Variants in DFFB observed in about 807,000 individuals in gnomAD.
The protein encoded by DFFB is DNA fragmentation factor subunit beta, also known as DNA fragmentation factor 40 kDa subunit.
DFFB carries 29 observed loss-of-function variants against 32.7 expected under a neutral mutation model. The observed-to-expected ratio is 0.89, with a 90% confidence interval of 0.66 to 1.21. DFFB has a LOEUF of 1.21. Among genes scored for constraint, DFFB ranks in the 50% most tolerant of loss-of-function variants. DFFB has a pLI of 0.00. For missense variants in DFFB, 398 were observed against 440.6 expected, an observed-to-expected ratio of 0.90 and a Z score of 0.87; for synonymous variants, 170 against 177.1, an observed-to-expected ratio of 0.96 and a Z score of 0.32.
Position 3,883,608 on chromosome 1 carries a change from C to T in DFFB, c.884C>T (p.Thr295Ile). The T allele has an allele frequency of 6.2e-7, 1 of 1,614,108 alleles. No homozygotes were observed. Among genetic ancestry groups the T allele is most frequent in the Non-Finnish European group, 8.5e-7 (1 of 1,180,024 alleles). ...GAGTATTTTTATGGCCTGCTTTTTA[C>T]CTCAGAGAACCTAAAACTAGTGCAC... ...DWEYFYGLLF[T>I]SENLKLVHIV... is the part of the protein sequence containing the mutation. Residue 295 changes from threonine to isoleucine, a missense_variant, in exon 7 of 7, where the codon ACC becomes ATC. Thr to Ile is a moderately conservative substitution (Grantham distance 89, BLOSUM62 -1). Transcript: ENST00000378209.
intron 6 of DFFB, among the ~76,000 whole-genome samples, chr1:3,876,164 T>C (rs12758318): frequency 0.09 from 13,755 of 152,276 alleles, 795 homozygotes; most frequent in Non-Finnish European, 0.13. Context: ...CGAAAGAGAT[T>C]CTCCTACTCT....
rs1644962021 is a variant in DFFB at position 3,865,618 on chromosome 1, T to G, written c.242-194T>G. ...CCTGCCCCTCCCTCCTCTGTCCTCA[T>G]GCCGCCCTTGTGCGTGGTCCCCAGC... On this transcript the variant is annotated intron_variant, in intron 2 of 6. Transcript: ENST00000378209. The surrounding 1 kb of genome is among the most constrained non-coding windows in gnomAD (Gnocchi z 4.7). 3 of 794,412 alleles carry G rather than the reference T, an allele frequency of 3.8e-6. No individual in the cohort carries two copies. Among genetic ancestry groups the G allele is most frequent in the Non-Finnish European group, 6.6e-6 (3 of 454,884 alleles). 49.2% of individuals were successfully genotyped at this position (794,412 alleles called of 1,614,324 possible). A position where few individuals can be genotyped will look rare whatever the true frequency, so the allele number is the denominator to read the frequency against.
intron 6 of DFFB, among the ~76,000 whole-genome samples, chr1:3,874,968 C>T (rs927234969): frequency 8.9e-6 from 1 of 111,966 alleles, no homozygotes. Context: ...CCCACGTTGT[C>T]GTCTGCAGAG....
chr1:3,861,846 C>G (rs1042114375), intron 2 of DFFB, among the ~76,000 whole-genome samples: 3 of 152,194 alleles, frequency 2.0e-5, no homozygotes, highest in African/African-American at 7.2e-5. Context: ...TCCACTCTTG[C>G]TGCTTCTGTT....
chr1:3,867,282 C>G (rs200903664), intron 3 of DFFB, among the ~76,000 whole-genome samples: 1 of 152,246 alleles, frequency 6.6e-6, no homozygotes, highest in East Asian at 1.9e-4. Flanking sequence ...ACATACCCCA[C>G]TCTGTCCATT....
chr1:3,876,620 A>G (rs1303644068), intron 6 of DFFB, among the ~76,000 whole-genome samples: 9 of 152,224 alleles, frequency 5.9e-5, no homozygotes, highest in Non-Finnish European at 8.8e-5. Flanking sequence ...TGAACAATGA[A>G]ATAAAATGCA....
intron 6 of DFFB, among the ~76,000 whole-genome samples, chr1:3,881,003 C>T (rs901249623): frequency 2.6e-5 from 4 of 152,326 alleles, no homozygotes; most frequent in Admixed American, 2.0e-4. Context: ...CAGGAACACA[C>T]TCCCGATGTC....
chr1:3,867,937 C>T (rs1645016457), intron 3 of DFFB, 37 bp from the exon 4 acceptor site: 7 of 1,605,766 alleles, frequency 4.4e-6, no homozygotes, highest in Non-Finnish European at 6.0e-6. Context: ...CCCTGGCCTG[C>T]CCTGTGGACT....
chr1:3,873,565 C>T (rs1188328427), intron 6 of DFFB, among the ~76,000 whole-genome samples: 3 of 151,806 alleles, frequency 2.0e-5, no homozygotes, highest in Non-Finnish European at 2.9e-5. Context: ...CCGCAACCTC[C>T]GCCTCCCGGG....
chr1:3,857,658 T>A lies in DFFB; in HGVS notation c.55T>A (p.Phe19Ile). Reference sequence around the variant, plus strand: ...GCGGGCCCTGCGCAGCCCGAGGAAGTTCGGCGTGGCTGGCCGGAGCTGCCA... The same window carrying A: ...GCGGGCCCTGCGCAGCCCGAGGAAGATCGGCGTGGCTGGCCGGAGCTGCCA... ...KLRALRSPRKFGVAGRSCQEV... is the reference protein window; with the variant it reads ...KLRALRSPRKIGVAGRSCQEV... Residue 19 changes from phenylalanine (F) to isoleucine (I), a missense_variant, in exon 1 of 7, where the codon TTC (phenylalanine) becomes ATC (isoleucine). Transcript: ENST00000378209. 1 of 1,599,602 alleles carries A rather than the reference T, an allele frequency of 6.3e-7. No individual in the cohort carries two copies. Among genetic ancestry groups the A allele is most frequent in the Non-Finnish European group, 8.5e-7 (1 of 1,173,654 alleles).
At chr1:3,871,055 G>T (rs111459784) in intron 5 of DFFB, among the ~76,000 whole-genome samples, 1 of 152,206 alleles carries the variant, frequency 6.6e-6, no homozygotes, top group African/African-American at 2.4e-5. Flanking sequence ...TCAGGAAGCC[G>T]CGGGCAATGG....
At chr1:3,879,170 G>C (rs1040360628) in intron 6 of DFFB, among the ~76,000 whole-genome samples, 1 of 152,112 alleles carries the variant, frequency 6.6e-6, no homozygotes, top group Non-Finnish European at 1.5e-5. Context: ...CTTTCTTTTG[G>C]ATTCTGCCTG....
chr1:3,870,436 T>A (rs977389416), intron 5 of DFFB, among the ~76,000 whole-genome samples: 1 of 152,210 alleles, frequency 6.6e-6, no homozygotes, highest in East Asian at 1.9e-4. Context: ...TCCTTGCTGC[T>A]CCTGCCAGGC....
rs1436033119 is a variant in DFFB, at chr1:3,857,546, G to A, written c.-58G>A. The A allele has an allele frequency of 1.9e-5, 25 of 1,313,512 alleles. No individual in the cohort carries two copies. The highest frequency in any genetic ancestry group is 2.1e-6 in the Non-Finnish European group (2 of 967,084). 81.4% of individuals were successfully genotyped at this position (1,313,512 alleles called of 1,614,324 possible). ...GCGGCCAGGGCGAGGACGGATCTGA[G>A]CAGCTGGGCAGCAGGTGCCACCGCC... On this transcript the variant is annotated 5_prime_UTR_variant, in exon 1 of 7. Coordinates refer to ENST00000378209, the MANE Select transcript of DFFB (RefSeq NM_004402.4).
At chr1:3,877,246 C>T (rs1016692287) in intron 6 of DFFB, among the ~76,000 whole-genome samples, 1 of 151,628 alleles carries the variant, frequency 6.6e-6, no homozygotes, top group East Asian at 1.9e-4. Flanking sequence ...CTTGCTTATT[C>T]ATTTGTTCGT....
chr1:3,883,425 C>A, intron 6 of DFFB, 82 bp from the exon 7 acceptor site: 1 of 1,299,762 alleles, frequency 7.7e-7, no homozygotes, highest in Non-Finnish European at 1.1e-6. Flanking sequence ...TTGTGAAGAG[C>A]TGTGACTGCA....
chr1:3,872,631 T>TCCCTGTCCCTGCCGC, intron 6 of DFFB, 59 bp downstream of exon 6: 1 of 1,397,724 alleles, frequency 7.2e-7, no homozygotes, highest in African/African-American at 1.5e-5. Context: ...GTCCCTGCCG[T>TCCCTGTCCCTGCCGC]GGCCCTGTCC....
intron 6 of DFFB, among the ~76,000 whole-genome samples, chr1:3,879,775 G>C (rs774170103): frequency 6.6e-6 from 1 of 152,146 alleles, no homozygotes; most frequent in African/African-American, 2.4e-5. Context: ...TGTCCGCTGA[G>C]TACATGCTTC....
rs544506618 is a variant in DFFB, at chr1:3,883,285, G to A, written c.783-222G>A. 3.3e-5 allele frequency among the ~76,000 whole-genome samples: 5 copies of A among 152,340 alleles called. No individual in the cohort carries two copies. The East Asian group carries it at 5.8e-4, about 18-fold the overall frequency. On this transcript the variant is annotated intron_variant, in intron 6 of 6. Coordinates refer to ENST00000378209, the MANE Select transcript of DFFB (RefSeq NM_004402.4). ...CTCCCAAAGTGTTGGGATGACAGGC[G>A]TGAGCCGCCGTGCCCGGCCACAAGT...
Sources: allele counts gnomAD v4.1 joint callset (sites outside exome capture counted in the v4.1 genomes callset), GRCh38; gene constraint gnomAD v4.1.1; non-coding constraint Gnocchi (gnomAD v3.1); transcripts MANE v1.5; gene names NCBI Gene and HGNC (gene_info 2026-07-23, HGNC 2026-07-21).